Variants in CAST observed in about 807,000 individuals in gnomAD.
The protein encoded by CAST is calpastatin, also known as MIR583 host.
In CAST, 76 loss-of-function variants were observed where a neutral mutation model predicts 119.6. The observed-to-expected ratio is 0.64, with a 90% CI of 0.53 to 0.77. The LOEUF (loss-of-function observed/expected upper bound fraction) is 0.77, where lower values mean the gene tolerates loss of function less well. Ranked by LOEUF, CAST falls within the 30% of genes least tolerant of loss-of-function variation. The pLI is 0.00. For missense variants in CAST, 953 were observed against 946.5 expected (o/e 1.01, Z -0.09); for synonymous variants, 319 against 331.6 (o/e 0.96, Z 0.41).
rs148726565 is a variant in CAST, at chr5:96,676,205, G to A, written c.138+604G>A. On this transcript the variant is annotated intron_variant, in intron 2 of 31. Transcript: ENST00000675179. Reference sequence around the variant, plus strand: ...CATGTGAAAGTTCTGCCCTTCCAAAGGATACAGGATTTGCCTTCCTTTACC... The same window carrying A: ...CATGTGAAAGTTCTGCCCTTCCAAAAGATACAGGATTTGCCTTCCTTTACC... Among the ~76,000 whole-genome samples, 152 of 152,234 alleles carry A rather than the reference G, an allele frequency of 1.0e-3. 1 individual carries two copies. Among genetic ancestry groups the A allele is most frequent in the African/African-American group, 3.6e-3 (149 of 41,532 alleles).
the CAST span, among the ~76,000 whole-genome samples, chr5:96,254,429 C>G: frequency 6.6e-6 from 1 of 152,094 alleles, no homozygotes; most frequent in Non-Finnish European, 1.5e-5. Flanking sequence ...CATACCTTTT[C>G]TCTTTTGACT....
At chr5:96,191,638 A>G in the CAST span, among the ~76,000 whole-genome samples, 1 of 152,142 alleles carries the variant, frequency 6.6e-6, no homozygotes, top group Admixed American at 6.5e-5. Flanking sequence ...CTCTGTCACC[A>G]GGCTCACTGC....
At chr5:96,723,758 T>A (rs938614340) in intron 4 of CAST, among the ~76,000 whole-genome samples, 1 of 152,222 alleles carries the variant, frequency 6.6e-6, no homozygotes, top group Non-Finnish European at 1.5e-5. Context: ...TCTCAACTAA[T>A]GTTTGTGTGC....
the CAST span, among the ~76,000 whole-genome samples, chr5:96,308,563 T>G: frequency 6.6e-6 from 1 of 152,142 alleles, no homozygotes; most frequent in Admixed American, 6.5e-5. Flanking sequence ...TCAGCCTTTT[T>G]GCGCTGGTTT....
chr5:96,171,903 T>C, the CAST span, among the ~76,000 whole-genome samples: 1 of 152,124 alleles, frequency 6.6e-6, no homozygotes, highest in South Asian at 2.1e-4. Context: ...AGGGGATTGA[T>C]CTCCCAAGGG....
chr5:96,175,541 G>A, the CAST span, among the ~76,000 whole-genome samples: 1 of 152,198 alleles, frequency 6.6e-6, no homozygotes, highest in African/African-American at 2.4e-5. Flanking sequence ...ATCTCAAAGA[G>A]ATAGACATGT....
At chr5:96,145,682 TA>T in the CAST span, among the ~76,000 whole-genome samples, 1 of 152,244 alleles carries the variant, frequency 6.6e-6, no homozygotes, top group South Asian at 2.1e-4. Context: ...TCAAAAACAA[TA>T]AAAGTGAATG....
the CAST span, among the ~76,000 whole-genome samples, chr5:96,206,938 C>A: frequency 6.6e-6 from 1 of 152,088 alleles, no homozygotes; most frequent in African/African-American, 2.4e-5. Flanking sequence ...TATCCATGAG[C>A]ATGGAATGTT....
chr5:96,593,460 G>A (rs994314111), intron 1 of CAST, among the ~76,000 whole-genome samples: 7 of 152,130 alleles, frequency 4.6e-5, no homozygotes, highest in Non-Finnish European at 8.8e-5. Context: ...TTTATTTAAT[G>A]CTCTGTTGCC....
intron 1 of CAST, among the ~76,000 whole-genome samples, chr5:96,578,945 G>A (rs559466077): frequency 6.6e-6 from 1 of 152,200 alleles, no homozygotes; most frequent in Admixed American, 6.5e-5. Flanking sequence ...CTGTTATTTG[G>A]TTTGCTTGGC....
intron 1 of CAST, among the ~76,000 whole-genome samples, chr5:96,602,421 T>C (rs950235555): frequency 1.3e-5 from 2 of 152,176 alleles, no homozygotes; most frequent in Non-Finnish European, 2.9e-5. Context: ...ATAAACATGA[T>C]GAATCTGTAT....
chr5:96,255,349 A>T, the CAST span, among the ~76,000 whole-genome samples: 2 of 152,166 alleles, frequency 1.3e-5, no homozygotes, highest in African/African-American at 4.8e-5. Flanking sequence ...TCTTCCCAAA[A>T]CCATCAATTT....
chr5:96,265,584 C>T, the CAST span, among the ~76,000 whole-genome samples: 3 of 152,030 alleles, frequency 2.0e-5, no homozygotes, highest in Non-Finnish European at 4.4e-5. Context: ...CTATTCAGGC[C>T]CTCAATTTAT....
intron 1 of CAST, among the ~76,000 whole-genome samples, chr5:96,531,226 C>A (rs1431676077): frequency 1.3e-5 from 2 of 152,262 alleles, no homozygotes; most frequent in African/African-American, 2.4e-5. Flanking sequence ...ACAGAGGAGG[C>A]CACAGCTCAC....
chr5:96,354,162 A>G, the CAST span, among the ~76,000 whole-genome samples: 2 of 152,204 alleles, frequency 1.3e-5, no homozygotes, highest in African/African-American at 4.8e-5. Flanking sequence ...AACCATCACC[A>G]GTCTCCTGAA....
At chr5:96,415,958 C>A in the CAST span, 1 of 918,402 alleles carries the variant, frequency 1.1e-6, no homozygotes, top group Non-Finnish European at 1.8e-6. Flanking sequence ...AGAAAAGCTC[C>A]CCTCCCCCAT....
chr5:96,539,078 T>C lies in CAST; in HGVS notation c.60+9198T>C, dbSNP rs377165273. On this transcript the variant is annotated intron_variant, in intron 1 of 11. Coordinates refer to the CAST transcript ENST00000505143. ...AACAAATCCAGACTATTCTCTCTTATTTGTATTTTCTCATAAAAGTATGTA... is the reference window on the plus strand; with the variant it reads ...AACAAATCCAGACTATTCTCTCTTACTTGTATTTTCTCATAAAAGTATGTA... 8.4e-4 allele frequency among the ~76,000 whole-genome samples: 128 copies of C among 152,344 alleles called. 1 individual carries two copies. In the South Asian group the frequency reaches 0.026, roughly 31 times the overall value.
At chr5:96,739,975 A>G (rs1368869310) in intron 11 of CAST, 63 bp from the exon 12 acceptor site, 3 of 751,270 alleles carry the variant, frequency 4.0e-6, no homozygotes, top group East Asian at 5.3e-5. Flanking sequence ...GTTTCAGAAT[A>G]TGCATATAGC....
chr5:96,095,556 C>CA, the CAST span, among the ~76,000 whole-genome samples: 680 of 57,526 alleles, frequency 0.012, 78 homozygotes, highest in Non-Finnish European at 0.013. Flanking sequence ...GACTCTGTTT[C>CA]AAAAAAAAAA....
Sources: gnomAD v4.1 joint callset for allele counts (sites outside exome capture counted in the v4.1 genomes callset) on GRCh38, gnomAD v4.1.1 for gene constraint, MANE v1.5 for transcripts, NCBI Gene and HGNC (gene_info 2026-07-23, HGNC 2026-07-21) for gene names.